The following COLGALT2 variants were observed in gnomAD, a reference collection of about 807,000 sequenced individuals.
COLGALT2 encodes the protein procollagen galactosyltransferase 2.
In COLGALT2, 49 loss-of-function variants were observed where a neutral mutation model predicts 73.4. The ratio of observed to expected loss-of-function variants is 0.67; its 90% confidence interval spans 0.53 to 0.85. COLGALT2 has a LOEUF of 0.85. Ranked by LOEUF, COLGALT2 falls within the 40% of genes least tolerant of loss-of-function variation. COLGALT2 has a pLI of 0.00. For missense variants in COLGALT2, 722 were observed against 790.2 expected (o/e 0.91, Z 1.03); for synonymous variants, 295 against 307.6 (o/e 0.96, Z 0.43).
intron 1 of COLGALT2, among the ~76,000 whole-genome samples, chr1:184,014,944 A>G (rs1020770884): frequency 2.0e-5 from 3 of 152,178 alleles, no homozygotes; most frequent in African/African-American, 7.2e-5. Flanking sequence ...AAGGGAAACA[A>G]AAAGATCAGT....
chr1:184,020,277 A>G (rs988182586), intron 1 of COLGALT2, among the ~76,000 whole-genome samples: 3 of 152,232 alleles, frequency 2.0e-5, no homozygotes, highest in Non-Finnish European at 4.4e-5. Flanking sequence ...ACAAGAGTTA[A>G]CAGAGCAAAT....
Position 183,975,315 on chromosome 1 carries a change from G to A in COLGALT2, c.375-101C>T, listed in dbSNP as rs3762257. On this transcript the variant is annotated intron_variant, in intron 2 of 11. Coordinates refer to ENST00000361927, the MANE Select transcript of COLGALT2 (RefSeq NM_015101.4). Reference sequence around the variant, plus strand: ...TCATTTAATCTTCTATCAATCCCAGGAAGTAGATACTATTATTATTGTTAT... The same window carrying A: ...TCATTTAATCTTCTATCAATCCCAGAAAGTAGATACTATTATTATTGTTAT... 3.7e-3 allele frequency: 2,378 copies of A among 641,776 alleles called. 88 individuals carry two copies. In the East Asian group the frequency reaches 0.06, roughly 16 times the overall value. The allele number at this position is 641,776 out of a possible 1,614,324, so 39.8% of individuals were successfully genotyped here.
chr1:183,971,305 G>A (rs1241476590), intron 4 of COLGALT2, among the ~76,000 whole-genome samples: 1 of 152,134 alleles, frequency 6.6e-6, no homozygotes, highest in Non-Finnish European at 1.5e-5. Flanking sequence ...AACTGGGATG[G>A]TAGAAAGCCA....
At chr1:183,955,125 G>A (rs937131939) in intron 6 of COLGALT2, among the ~76,000 whole-genome samples, 8 of 152,164 alleles carry the variant, frequency 5.3e-5, no homozygotes, top group South Asian at 4.1e-4. Context: ...TTAAGAGGAA[G>A]GGCTCCAGAG....
At position 183,936,639 on chromosome 1, in the gene COLGALT2, C is replaced by G; in HGVS notation, c.*2122G>C. ...AAAAAAGTCATTAAAGTCATGCACA[C>G]ATGCACACACTCAAATATGAAAACA... On this transcript the variant is annotated 3_prime_UTR_variant, in exon 12 of 12. Transcript: ENST00000361927. 1 of 1,216,212 alleles carries G rather than the reference C, an allele frequency of 8.2e-7. No individual in the cohort carries two copies. The highest frequency in any genetic ancestry group is 4.3e-5 in the South Asian group (1 of 23,318). 75.3% of individuals were successfully genotyped at this position (1,216,212 alleles called of 1,614,324 possible). A position where few individuals can be genotyped will look rare whatever the true frequency, so the allele number is the denominator to read the frequency against.
intron 1 of COLGALT2, among the ~76,000 whole-genome samples, chr1:183,989,355 A>G (rs1166089424): frequency 6.6e-6 from 1 of 152,214 alleles, no homozygotes; most frequent in Non-Finnish European, 1.5e-5. Flanking sequence ...GCAATGCTAC[A>G]GCAAAACATG....
At chr1:184,036,813 C>G (rs1649694607) in intron 1 of COLGALT2, among the ~76,000 whole-genome samples, 1 of 152,222 alleles carries the variant, frequency 6.6e-6, no homozygotes, top group Non-Finnish European at 1.5e-5. Flanking sequence ...CCTTGTGGGA[C>G]AAAGCCCCAA....
intron 1 of COLGALT2, among the ~76,000 whole-genome samples, chr1:184,035,773 G>C (rs536384276): frequency 1.3e-5 from 2 of 150,734 alleles, no homozygotes; most frequent in African/African-American, 2.4e-5. Flanking sequence ...GTACCGAAGT[G>C]GTTAAAAAAA....
At chr1:183,972,193 C>T (rs1396223835) in intron 4 of COLGALT2, among the ~76,000 whole-genome samples, 1 of 152,188 alleles carries the variant, frequency 6.6e-6, no homozygotes, top group Non-Finnish European at 1.5e-5. Context: ...GCAGCCTCAA[C>T]TTCTTGGGCT....
downstream of COLGALT2, among the ~76,000 whole-genome samples, chr1:183,932,052 A>G (rs991217284): frequency 1.2e-4 from 19 of 152,158 alleles, no homozygotes; most frequent in African/African-American, 4.6e-4. Flanking sequence ...GAGGTTTCAC[A>G]GGGGAGACAG....
intron 1 of COLGALT2, among the ~76,000 whole-genome samples, chr1:184,033,302 T>C (rs548907785): frequency 5.1e-4 from 78 of 152,356 alleles, no homozygotes; most frequent in African/African-American, 1.8e-3. Context: ...GGCTACTTGC[T>C]CATGGTTCCA....
rs397861890 is a variant in COLGALT2, at chr1:183,930,569, CTT to C, written c.1605-282_1605-281del. On this transcript the variant is annotated intron_variant, in intron 11 of 11. Coordinates refer to the COLGALT2 transcript ENST00000649786. ...AATGCCCTGCTAATTTTTTCTTTTT[CTT>C]TTTTTTTTTTTTTTTTTTTGTATTT... Among the ~76,000 whole-genome samples the C allele has an allele frequency of 3.0e-3, 345 of 114,056 alleles. 2 individuals carry two copies. The highest frequency in any genetic ancestry group is 4.9e-3 in the African/African-American group (146 of 29,628). 74.8% of individuals were successfully genotyped at this position (114,056 alleles called of 152,430 possible).
intron 5 of COLGALT2, chr1:183,964,324 G>T (rs1327696594): frequency 1.3e-5 from 5 of 382,202 alleles, no homozygotes; most frequent in Non-Finnish European, 2.3e-5. Flanking sequence ...GATCAAAAGG[G>T]AGGCAAGGAA....
chr1:183,980,796 C>A (rs1671329203), intron 1 of COLGALT2, among the ~76,000 whole-genome samples: 2 of 152,032 alleles, frequency 1.3e-5, no homozygotes, highest in South Asian at 4.1e-4. Context: ...CTTTAATGCA[C>A]ATGCTGCAAA....
chr1:184,032,935 C>T (rs1348839309), intron 1 of COLGALT2, among the ~76,000 whole-genome samples: 2 of 152,186 alleles, frequency 1.3e-5, no homozygotes, highest in African/African-American at 2.4e-5. Context: ...ATGTTAGGAC[C>T]ATCCCCCAGC....
rs575046094 is a variant in COLGALT2, at chr1:184,005,897, G to A, written c.264-27377C>T. Among the ~76,000 whole-genome samples, 11 of 152,256 alleles carry A rather than the reference G, an allele frequency of 7.2e-5. No individual in the cohort carries two copies. In the South Asian group the frequency reaches 1.9e-3, roughly 26 times the overall value. ...CAGAGAAAGTCAACAGGACCCGGTGGCAAATTTTAATCTGTTTGCTATCAT... is the reference window on the plus strand; with the variant it reads ...CAGAGAAAGTCAACAGGACCCGGTGACAAATTTTAATCTGTTTGCTATCAT... On this transcript the variant is annotated intron_variant, in intron 1 of 11. Coordinates refer to ENST00000361927, the MANE Select transcript of COLGALT2 (RefSeq NM_015101.4).
At position 183,975,541 on chromosome 1, in the gene COLGALT2, A is replaced by G. The variant is rs200199105; in HGVS notation, c.375-327T>C. ...TTAAGTCATTCGTCCAATGTTACAC[A>G]ATGGGGCACAATCAAGATTTGAATC... On this transcript the variant is annotated intron_variant, in intron 2 of 11. Coordinates refer to ENST00000361927, the MANE Select transcript of COLGALT2 (RefSeq NM_015101.4). Among the ~76,000 whole-genome samples, 21 of 152,378 alleles carry G rather than the reference A, an allele frequency of 1.4e-4. No individual in the cohort carries two copies. In the East Asian group the frequency reaches 3.1e-3, roughly 22 times the overall value.
At chr1:184,037,065 C>A in intron 1 of COLGALT2, 30 bp downstream of exon 1, 1 of 1,461,094 alleles carries the variant, frequency 6.8e-7, no homozygotes, top group Non-Finnish European at 9.0e-7. Context: ...CGCGTCCCGC[C>A]GCGGCGGCCC....
At chr1:183,987,807 A>G (rs1304515524) in intron 1 of COLGALT2, among the ~76,000 whole-genome samples, 1 of 152,190 alleles carries the variant, frequency 6.6e-6, no homozygotes, top group Non-Finnish European at 1.5e-5. Flanking sequence ...GTGGGCCCCA[A>G]CTGATTGCTG....
Sources: gnomAD v4.1 joint callset for allele counts (sites outside exome capture counted in the v4.1 genomes callset) on GRCh38, gnomAD v4.1.1 for gene constraint, MANE v1.5 for transcripts, NCBI Gene and HGNC (gene_info 2026-07-23, HGNC 2026-07-21) for gene names.